Variants in GALNT17 observed in about 807,000 individuals in gnomAD.
GALNT17 encodes polypeptide N-acetylgalactosaminyltransferase 17.
A neutral mutation model predicts 63.7 loss-of-function variants in GALNT17; 29 were observed. That is an observed-to-expected ratio of 0.46 (90% confidence interval 0.34 to 0.62). The LOEUF is 0.62. GALNT17 is among the 20% of genes least tolerant of loss of function. The pLI is 0.01. For missense variants in GALNT17, 603 were observed against 799.6 expected, an observed-to-expected ratio of 0.75 and a Z score of 2.97; for synonymous variants, 305 against 318.3, an observed-to-expected ratio of 0.96 and a Z score of 0.45.
At chr7:71,599,416 A>G (rs561437521) in intron 6 of GALNT17, among the ~76,000 whole-genome samples, 6 of 152,190 alleles carry the variant, frequency 3.9e-5, no homozygotes, top group Non-Finnish European at 8.8e-5. Context: ...AGGGCCTGTG[A>G]GCCTCACTTG....
intron 2 of GALNT17, among the ~76,000 whole-genome samples, chr7:71,372,688 C>T (rs1792646794): frequency 6.6e-6 from 1 of 152,200 alleles, no homozygotes; most frequent in South Asian, 2.1e-4. Context: ...CCTCTGGTCT[C>T]AAGTGATCCT....
intron 1 of GALNT17, among the ~76,000 whole-genome samples, chr7:71,265,371 C>T (rs915909367): frequency 9.9e-5 from 15 of 151,566 alleles, no homozygotes; most frequent in African/African-American, 2.2e-4. Context: ...ATGATCTGCC[C>T]GCCTTGGCCT....
intron 5 of GALNT17, among the ~76,000 whole-genome samples, chr7:71,525,265 TC>T (rs1342392193): frequency 1.3e-5 from 2 of 152,156 alleles, no homozygotes; most frequent in African/African-American, 4.8e-5. Context: ...AACCTCCGCC[TC>T]CCGGGTTCAA....
At chr7:71,584,638 C>CA (rs745318161) in intron 6 of GALNT17, among the ~76,000 whole-genome samples, 112 of 152,206 alleles carry the variant, frequency 7.4e-4, no homozygotes, top group Non-Finnish European at 1.2e-3. Context: ...TATATTTTCT[C>CA]AAAAAAATTT....
intron 2 of GALNT17, among the ~76,000 whole-genome samples, chr7:71,343,065 G>A (rs1792033351): frequency 6.6e-6 from 1 of 152,198 alleles, no homozygotes; most frequent in Non-Finnish European, 1.5e-5. Context: ...TAACCAGAGA[G>A]ACTGTTGTAA....
chr7:71,481,066 A>G (rs557737850), intron 5 of GALNT17, among the ~76,000 whole-genome samples: 5 of 152,186 alleles, frequency 3.3e-5, no homozygotes, highest in South Asian at 4.1e-4. Flanking sequence ...CTTTGCCCCA[A>G]ACTGGTGCAT....
chr7:71,400,701 G>A (rs949005310), intron 3 of GALNT17, among the ~76,000 whole-genome samples: 18 of 152,132 alleles, frequency 1.2e-4, no homozygotes, highest in African/African-American at 4.3e-4. Flanking sequence ...CAATTTAATA[G>A]TAAGTCCTTT....
chr7:71,314,249 GTGTGTC>G (rs1319970718), intron 1 of GALNT17, among the ~76,000 whole-genome samples: 2 of 152,126 alleles, frequency 1.3e-5, no homozygotes, highest in Non-Finnish European at 2.9e-5. Context: ...GTGTGTGAGT[GTGTGTC>G]TGTGTGTGTG....
In GALNT17 at chr7:71,242,192, A is replaced by G. The variant is rs1294803669; in HGVS notation, c.239-93358A>G. ...AGCCATTCATGAGGGATCTGTCTCC[A>G]AAACCCAAACACCTTCCACTTGGCC... On this transcript the variant is annotated intron_variant, in intron 1 of 10. Coordinates refer to ENST00000333538, the MANE Select transcript of GALNT17 (RefSeq NM_022479.3). Among the ~76,000 whole-genome samples the G allele has an allele frequency of 1.3e-5, 2 of 151,752 alleles. 1 individual carries two copies. Among genetic ancestry groups the G allele is most frequent in the South Asian group, 4.2e-4 (2 of 4,784 alleles).
At chr7:71,571,923 G>GA (rs1789448496) in intron 6 of GALNT17, among the ~76,000 whole-genome samples, 1 of 152,032 alleles carries the variant, frequency 6.6e-6, no homozygotes, top group South Asian at 2.1e-4. Context: ...GAGGTAGGAG[G>GA]ATGGCTTGAG....
chr7:71,670,190 G>T (rs2117055382), intron 8 of GALNT17, 81 bp downstream of exon 8: 3 of 1,580,696 alleles, frequency 1.9e-6, no homozygotes, highest in East Asian at 2.2e-5. Flanking sequence ...AAATAGAGTT[G>T]CTCATTCATT....
chr7:71,278,150 G>A (rs1044977869), intron 1 of GALNT17, among the ~76,000 whole-genome samples: 1 of 152,176 alleles, frequency 6.6e-6, no homozygotes, highest in African/African-American at 2.4e-5. Context: ...CAGTTACTAT[G>A]TTTCTGTTTA....
chr7:71,377,085 C>CAAAAAAAA (rs34111153), intron 2 of GALNT17, among the ~76,000 whole-genome samples: 7 of 18,544 alleles, frequency 3.8e-4, no homozygotes, highest in Admixed American at 9.2e-4. Context: ...TATTCCATCT[C>CAAAAAAAA]AAAAAAAAAA....
intron 1 of GALNT17, 132 bp downstream of exon 1, chr7:71,133,172 C>A (rs1341266297): frequency 1.4e-6 from 1 of 731,934 alleles, no homozygotes; most frequent in Non-Finnish European, 2.1e-6. Flanking sequence ...CTCCTTCTTA[C>A]CCTTCCTGCC....
intron 1 of GALNT17, among the ~76,000 whole-genome samples, chr7:71,244,832 T>G (rs1247973216): frequency 6.6e-6 from 1 of 151,902 alleles, no homozygotes; most frequent in Admixed American, 6.6e-5. Context: ...CACCTGTAGT[T>G]CTAGTTGCTT....
chr7:71,514,759 T>C (rs1788418861), intron 5 of GALNT17, among the ~76,000 whole-genome samples: 1 of 152,182 alleles, frequency 6.6e-6, no homozygotes, highest in African/African-American at 2.4e-5. Flanking sequence ...AATTACTGTC[T>C]TGCTTTGATC....
At chr7:71,194,131 GA>G in intron 1 of GALNT17, among the ~76,000 whole-genome samples, 2 of 152,134 alleles carry the variant, frequency 1.3e-5, no homozygotes, top group Admixed American at 1.3e-4. Context: ...CTGCAGCCTT[GA>G]CCTCCTGGGC....
rs902796429 is a variant in GALNT17, at chr7:71,644,363, C to T, written c.1081-21048C>T. ...CAGCCTGGTCAACACGGTGAAACCC[C>T]ATCTCTACTAAAAATACAAAAATTA... On this transcript the variant is annotated intron_variant, in intron 6 of 10. Transcript: ENST00000333538. Among the ~76,000 whole-genome samples, 3 of 151,274 alleles carry T rather than the reference C, an allele frequency of 2.0e-5. 1 individual carries two copies. The highest frequency in any genetic ancestry group is 2.0e-4 in the Admixed American group (3 of 15,136).
At chr7:71,548,396 G>A (rs949709995) in intron 5 of GALNT17, among the ~76,000 whole-genome samples, 2 of 152,166 alleles carry the variant, frequency 1.3e-5, no homozygotes, top group Non-Finnish European at 1.5e-5. Context: ...CAGGGGTTTG[G>A]CCTTGTGGCC....
Sources: gnomAD v4.1 joint callset for allele counts (sites outside exome capture counted in the v4.1 genomes callset) on GRCh38, gnomAD v4.1.1 for gene constraint, MANE v1.5 for transcripts, NCBI Gene and HGNC (gene_info 2026-07-23, HGNC 2026-07-21) for gene names.